B3GALNT1: variants seen among roughly 807,000 people sequenced by gnomAD.
B3GALNT1 encodes the protein UDP-GalNAc:beta-1,3-N-acetylgalactosaminyltransferase 1.
B3GALNT1 carries 17 observed loss-of-function variants against 27.3 expected under a neutral mutation model. The ratio of observed to expected loss-of-function variants is 0.62; its 90% CI spans 0.43 to 0.94. The LOEUF is 0.94. B3GALNT1 is among the 40% of genes least tolerant of loss of function. B3GALNT1 has a pLI of 0.00. For synonymous variants in B3GALNT1, 141 were observed against 144.0 expected, an observed-to-expected ratio of 0.98 and a Z score of 0.15; for missense variants, 347 against 390.0, an observed-to-expected ratio of 0.89 and a Z score of 0.93.
In B3GALNT1 at chr3:161,085,569, T is replaced by C. The variant is rs191264844; in HGVS notation, c.*190A>G. The C allele has an allele frequency of 8.1e-6, 5 of 617,022 alleles. No homozygotes were observed. The highest frequency in any genetic ancestry group is 2.8e-5 in the East Asian group (1 of 35,986). The allele number at this position is 617,022 out of a possible 1,614,324, so 38.2% of individuals were successfully genotyped here. A position where few individuals can be genotyped will look rare whatever the true frequency, so the allele number is the denominator to read the frequency against. On this transcript the variant is annotated 3_prime_UTR_variant, in exon 5 of 5. Coordinates refer to ENST00000320474, the MANE Select transcript of B3GALNT1 (RefSeq NM_003781.4). ...TTCCTTTATATTTAATTCCTCCACATATCATCTTTGAAGGGCCTGACTAAT... is the reference window on the plus strand; with the variant it reads ...TTCCTTTATATTTAATTCCTCCACACATCATCTTTGAAGGGCCTGACTAAT...
chr3:161,087,319 T>C (rs569508105), intron 4 of B3GALNT1, among the ~76,000 whole-genome samples: 1 of 152,210 alleles, frequency 6.6e-6, no homozygotes, highest in Non-Finnish European at 1.5e-5. Context: ...GTGATCATTA[T>C]TCTATTCTTA....
In B3GALNT1 at chr3:161,086,682, G is replaced by T. The variant is rs1257640155; in HGVS notation, c.73C>A (p.Leu25Met). Reference protein sequence around the residue: ...LRSLKWSLLLLSLLSFFVMWY... With the variant: ...LRSLKWSLLLMSLLSFFVMWY... ...ATCACAAAGAAACTCAGGAGTGACA[G>T]CAGCAGGAGGCTCCATTTGAGGGAT... The change falls in exon 5 of 5, where the codon CTG becomes ATG. Residue 25 changes from leucine to methionine, a missense_variant. By Grantham distance (15) the Leu-to-Met change is conservative. Coordinates refer to ENST00000320474, the MANE Select transcript of B3GALNT1 (RefSeq NM_003781.4). 5 of 1,614,204 alleles carry T rather than the reference G, an allele frequency of 3.1e-6. No individual in the cohort carries two copies. Among genetic ancestry groups the T allele is most frequent in the Non-Finnish European group, 3.4e-6 (4 of 1,180,036 alleles).
At position 161,103,494 on chromosome 3, in the gene B3GALNT1, AAC is replaced by A. The variant is rs753387954; in HGVS notation, c.-199_-198del. ...TTTTCTGTATTCCATGCTTAATTAA[AAC>A]ACTCAGATCTGTTGTGAACTACTGA... On this transcript the variant is annotated 5_prime_UTR_variant, in exon 3 of 5. Coordinates refer to ENST00000320474, the MANE Select transcript of B3GALNT1 (RefSeq NM_003781.4). 1.6e-6 allele frequency: 2 copies of A among 1,280,188 alleles called. No individual in the cohort carries two copies. The highest frequency in any genetic ancestry group is 2.5e-5 in the South Asian group (2 of 80,318). The allele number at this position is 1,280,188 out of a possible 1,614,324, so 79.3% of individuals were successfully genotyped here.
chr3:161,089,304 T>C (rs866075624), intron 4 of B3GALNT1, among the ~76,000 whole-genome samples: 1 of 152,046 alleles, frequency 6.6e-6, no homozygotes, highest in Non-Finnish European at 1.5e-5. Flanking sequence ...TTCCATTCTA[T>C]TTGTGTTCTC....
intron 4 of B3GALNT1, among the ~76,000 whole-genome samples, chr3:161,098,356 C>A (rs1447909103): frequency 2.0e-5 from 3 of 152,152 alleles, no homozygotes; most frequent in Admixed American, 1.3e-4. Context: ...GGCCTGGTAT[C>A]TTCATACTTT....
intron 4 of B3GALNT1, among the ~76,000 whole-genome samples, chr3:161,100,811 T>C (rs1037965063): frequency 6.6e-6 from 1 of 151,982 alleles, no homozygotes; most frequent in Admixed American, 6.5e-5. Context: ...TTGCAATACA[T>C]GTTAGGATTT....
chr3:161,086,736 T>C lies in B3GALNT1; in HGVS notation c.19A>G (p.Thr7Ala), dbSNP rs1158338788. 6.2e-7 allele frequency: 1 copy of C among 1,613,904 alleles called. No homozygotes were observed. The highest frequency in any genetic ancestry group is 8.5e-7 in the Non-Finnish European group (1 of 1,179,970). The change falls in exon 5 of 5, where the codon ACT becomes GCT. Residue 7 changes from threonine (T) to alanine (A), a missense_variant. Thr to Ala is a moderately conservative substitution (Grantham distance 58). Coordinates refer to ENST00000320474, the MANE Select transcript of B3GALNT1 (RefSeq NM_003781.4). MASALW[T>A]VLPSRMSLRS... is the part of the protein sequence containing the mutation. ...AGTGACATCCTACTCGGAAGGACAGTCCAGAGAGCCGAGGCCATCCACAGC... is the reference window on the plus strand; with the variant it reads ...AGTGACATCCTACTCGGAAGGACAGCCCAGAGAGCCGAGGCCATCCACAGC...
chr3:161,097,447 C>T (rs1728817090), intron 4 of B3GALNT1, among the ~76,000 whole-genome samples: 1 of 152,180 alleles, frequency 6.6e-6, no homozygotes, highest in African/African-American at 2.4e-5. Flanking sequence ...TACAATTAAA[C>T]ATGCAAATAA....
intron 3 of B3GALNT1, among the ~76,000 whole-genome samples, chr3:161,102,261 T>A (rs778702899): frequency 3.7e-4 from 57 of 152,174 alleles, no homozygotes; most frequent in Admixed American, 7.9e-4. Flanking sequence ...CCTACCTACC[T>A]GTGTTCAGAG....
chr3:161,104,899 G>A (rs1403697787), intron 1 of B3GALNT1: 2 of 152,554 alleles, frequency 1.3e-5, no homozygotes, highest in Non-Finnish European at 2.9e-5. Flanking sequence ...TTGCACCCTG[G>A]GGCAAGGCAA....
rs1037143989 is a variant in B3GALNT1 at position 161,084,966 on chromosome 3, T to TA, written c.*792dup. Reference sequence around the variant, plus strand: ...TAAAAACACTAGGAACTGTATTTTTTAAAAACAAGACAATACTTCAGATTT... The same window carrying TA: ...TAAAAACACTAGGAACTGTATTTTTTAAAAAACAAGACAATACTTCAGATTT... On this transcript the variant is annotated 3_prime_UTR_variant, in exon 5 of 5. Transcript: ENST00000320474. 4.6e-5 allele frequency: 7 copies of TA among 152,180 alleles called. No individual in the cohort carries two copies. The highest frequency in any genetic ancestry group is 1.4e-4 in the African/African-American group (6 of 41,464). The allele number at this position is 152,180 out of a possible 1,614,324, so 9.4% of individuals were successfully genotyped here. A position where few individuals can be genotyped will look rare whatever the true frequency, so the allele number is the denominator to read the frequency against.
intron 1 of B3GALNT1, 116 bp from the exon 2 acceptor site, chr3:161,104,522 G>A (rs1733223550): frequency 2.4e-6 from 1 of 411,650 alleles, no homozygotes; most frequent in Non-Finnish European, 4.4e-6. Flanking sequence ...CTTGAGGATG[G>A]CATCATTCCT....
At chr3:161,089,412 A>G (rs139758020) in intron 4 of B3GALNT1, among the ~76,000 whole-genome samples, 249 of 152,348 alleles carry the variant, frequency 1.6e-3, no homozygotes, top group Middle Eastern at 3.4e-3. Flanking sequence ...AATACTAGGT[A>G]AAAATGACAT....
In B3GALNT1 at chr3:161,098,666, T is replaced by C. The variant is rs552106085; in HGVS notation, c.-35+2473A>G. ...TTTAGTCCAATTTCCATGCAAATCA[T>C]GCTCACCCAGTTTTCAACAAGTCCT... is the stretch of plus-strand genomic sequence containing the variant. On this transcript the variant is annotated intron_variant, in intron 4 of 4. Coordinates refer to ENST00000320474, the MANE Select transcript of B3GALNT1 (RefSeq NM_003781.4). 6.6e-5 allele frequency among the ~76,000 whole-genome samples: 10 copies of C among 152,340 alleles called. No individual in the cohort carries two copies. The East Asian group carries it at 9.6e-4, about 15-fold the overall frequency.
intron 4 of B3GALNT1, among the ~76,000 whole-genome samples, chr3:161,088,777 A>T (rs1175293745): frequency 6.6e-6 from 1 of 152,220 alleles, no homozygotes; most frequent in Non-Finnish European, 1.5e-5. Flanking sequence ...ACAGAAGGCA[A>T]GTGTTGTAAG....
chr3:161,096,782 T>C (rs1437045589), intron 4 of B3GALNT1, among the ~76,000 whole-genome samples: 4 of 152,228 alleles, frequency 2.6e-5, no homozygotes, highest in Non-Finnish European at 5.9e-5. Context: ...CCACTACTTT[T>C]TCTTCCCCTC....
intron 4 of B3GALNT1, among the ~76,000 whole-genome samples, chr3:161,094,298 A>G: frequency 6.6e-6 from 1 of 152,224 alleles, no homozygotes; most frequent in East Asian, 1.9e-4. Flanking sequence ...GGAAGACTCA[A>G]AATTCCTACC....
chr3:161,097,229 G>A lies in B3GALNT1; in HGVS notation c.-35+3910C>T, dbSNP rs541724038. Among the ~76,000 whole-genome samples, 22 of 152,242 alleles carry A rather than the reference G, an allele frequency of 1.4e-4. 1 individual carries two copies. In the South Asian group the frequency reaches 4.4e-3, roughly 30 times the overall value. On this transcript the variant is annotated intron_variant, in intron 4 of 4. Transcript: ENST00000320474. Reference sequence around the variant, plus strand: ...ATGGGAGCAATAATACCTTCTTTGCGGGTTTATTGCCAGAGCTACATGAAA... The same window carrying A: ...ATGGGAGCAATAATACCTTCTTTGCAGGTTTATTGCCAGAGCTACATGAAA...
At chr3:161,103,594 C>T (rs1015480728) in intron 2 of B3GALNT1, 77 bp from the exon 3 acceptor site, 10 of 492,956 alleles carry the variant, frequency 2.0e-5, no homozygotes, top group Admixed American at 9.0e-5. Context: ...ATGTTGTATA[C>T]TTAGCAAGTT....
Sources: allele counts gnomAD v4.1 joint callset (sites outside exome capture counted in the v4.1 genomes callset), GRCh38; gene constraint gnomAD v4.1.1; transcripts MANE v1.5; gene names NCBI Gene and HGNC (gene_info 2026-07-23, HGNC 2026-07-21).